Variants in DAB1 observed in about 807,000 individuals in gnomAD.
The protein encoded by DAB1 is DAB adaptor protein 1, also known as disabled homolog 1.
DAB1 carries 15 observed loss-of-function variants against 64.6 expected under a neutral mutation model. That is an observed-to-expected ratio of 0.23 (90% CI 0.16 to 0.36). The LOEUF (loss-of-function observed/expected upper bound fraction) is 0.36. DAB1 is among the 10% of genes least tolerant of loss of function. The pLI, the probability that DAB1 is intolerant of heterozygous loss-of-function variation, is 1.00. For synonymous variants in DAB1, 235 were observed against 251.9 expected (o/e 0.93, Z 0.64); for missense variants, 596 against 706.7 (o/e 0.84, Z 1.78).
intron 7 of DAB1, among the ~76,000 whole-genome samples, chr1:57,461,437 G>A (rs1686775741): frequency 6.6e-6 from 1 of 152,166 alleles, no homozygotes; most frequent in Non-Finnish European, 1.5e-5. Flanking sequence ...ATCCTCAGAT[G>A]TTCTGACATG....
chr1:57,621,529 G>C (rs979300006), intron 7 of DAB1, among the ~76,000 whole-genome samples: 2 of 151,986 alleles, frequency 1.3e-5, no homozygotes, highest in Non-Finnish European at 2.9e-5. Context: ...GGGGGAAACT[G>C]AGGTTGTCCC....
chr1:57,822,927 T>G (rs764886865), downstream of DAB1, among the ~76,000 whole-genome samples: 1 of 151,338 alleles, frequency 6.6e-6, no homozygotes, highest in Non-Finnish European at 1.5e-5. Flanking sequence ...AGGCTCCCAA[T>G]AGAAAAGAAA....
chr1:57,136,371 G>T (rs1468848441), intron 4 of DAB1, among the ~76,000 whole-genome samples, 172 bp downstream of exon 4: 1 of 152,128 alleles, frequency 6.6e-6, no homozygotes, highest in Non-Finnish European at 1.5e-5. Context: ...CCATACTGTG[G>T]CCAAGTCAGC....
At chr1:57,232,433 A>T (rs1438520030) in intron 2 of DAB1, among the ~76,000 whole-genome samples, 1 of 152,018 alleles carries the variant, frequency 6.6e-6, no homozygotes, top group Non-Finnish European at 1.5e-5. Flanking sequence ...TTACTATGCA[A>T]CTACTACCTG....
intron 5 of DAB1, chr1:58,074,558 A>ATATACATATATATGTGTGTGTG (rs1170950120): frequency 1.7e-5 from 1 of 57,598 alleles, no homozygotes; most frequent in African/African-American, 6.5e-5. Context: ...ACATATATAT[A>ATATACATATATATGTGTGTGTG]TGTGTGTATA....
intron 3 of DAB1, among the ~76,000 whole-genome samples, chr1:57,137,496 G>T (rs1658229139): frequency 6.6e-6 from 1 of 152,138 alleles, no homozygotes; most frequent in Admixed American, 6.5e-5. Flanking sequence ...TTCGAAATTA[G>T]ATTCTGTGTT....
At chr1:58,397,728 C>T (rs893176855) in intron 3 of DAB1, among the ~76,000 whole-genome samples, 18 of 152,178 alleles carry the variant, frequency 1.2e-4, no homozygotes, top group Non-Finnish European at 2.1e-4. Context: ...GAAAGCTGGT[C>T]ACCTACCCCT....
intron 6 of DAB1, among the ~76,000 whole-genome samples, chr1:57,721,008 A>C (rs1160314775): frequency 6.6e-6 from 1 of 152,136 alleles, no homozygotes; most frequent in South Asian, 2.1e-4. Context: ...TGCAAATTGC[A>C]GTCCTTCATT....
At chr1:57,445,672 T>C (rs540094714) in intron 7 of DAB1, among the ~76,000 whole-genome samples, 3 of 152,344 alleles carry the variant, frequency 2.0e-5, no homozygotes, top group Non-Finnish European at 4.4e-5. Flanking sequence ...TTTACTATAC[T>C]ACATTTTACT....
intron 9 of DAB1, among the ~76,000 whole-genome samples, chr1:57,038,722 G>A (rs962360155): frequency 1.6e-4 from 24 of 152,178 alleles, no homozygotes; most frequent in African/African-American, 4.1e-4. Flanking sequence ...GTGCTCACAC[G>A]TGTAATATAT....
At chr1:57,024,212 A>G (rs12062362) in intron 10 of DAB1, among the ~76,000 whole-genome samples, 21,174 of 151,724 alleles carry the variant, frequency 0.14, 1,987 homozygotes, top group East Asian at 0.32. Context: ...TTTTGCCTGA[A>G]TCTTCATTTG....
chr1:57,738,427 G>A (rs1252697800), intron 6 of DAB1, among the ~76,000 whole-genome samples: 1 of 152,164 alleles, frequency 6.6e-6, no homozygotes, highest in Non-Finnish European at 1.5e-5. Flanking sequence ...TTAACACCAT[G>A]ATCTAATCTC....
At chr1:57,434,739 G>A (rs1685627992) in intron 7 of DAB1, among the ~76,000 whole-genome samples, 1 of 152,138 alleles carries the variant, frequency 6.6e-6, no homozygotes, top group Non-Finnish European at 1.5e-5. Context: ...CTACAAACCT[G>A]TATGCACGTT....
chr1:58,422,822 GA>G (rs1644785167), intron 3 of DAB1, among the ~76,000 whole-genome samples: 5 of 151,034 alleles, frequency 3.3e-5, no homozygotes, highest in Non-Finnish European at 7.4e-5. Context: ...CAAAAAAAAA[GA>G]AAAAAATCAA....
chr1:57,446,040 T>A (rs1047562862), intron 7 of DAB1, among the ~76,000 whole-genome samples: 9 of 152,196 alleles, frequency 5.9e-5, no homozygotes, highest in Non-Finnish European at 1.0e-4. Context: ...ATTTCACCCA[T>A]CCAATTTTAT....
At chr1:58,506,279 T>C in intron 2 of DAB1, 1 of 675,886 alleles carries the variant, frequency 1.5e-6, no homozygotes, top group Non-Finnish European at 2.5e-6. Flanking sequence ...TACTACTTTA[T>C]TTTTTTTTAA....
At chr1:57,989,635 A>C (rs183028518) in intron 5 of DAB1, among the ~76,000 whole-genome samples, 3 of 152,296 alleles carry the variant, frequency 2.0e-5, no homozygotes, top group Admixed American at 2.0e-4. Flanking sequence ...ATAGGAAGGA[A>C]GACATTAAGA....
chr1:57,508,280 C>T (rs576797351), intron 7 of DAB1, among the ~76,000 whole-genome samples: 1 of 152,148 alleles, frequency 6.6e-6, no homozygotes, highest in East Asian at 1.9e-4. Context: ...TGAATGAATG[C>T]CTGATGAGGG....
At chr1:57,136,789 C>T (rs749592018) in intron 3 of DAB1, 148 bp from the exon 4 acceptor site, 25 of 431,294 alleles carry the variant, frequency 5.8e-5, no homozygotes, top group African/African-American at 1.4e-4. Flanking sequence ...CTACTCAATG[C>T]GGCTCACATC....
Sources: allele counts gnomAD v4.1 joint callset (sites outside exome capture counted in the v4.1 genomes callset), GRCh38; gene constraint gnomAD v4.1.1; transcripts MANE v1.5; gene names NCBI Gene and HGNC (gene_info 2026-07-23, HGNC 2026-07-21).